PLXNA4: variants seen among roughly 807,000 people sequenced by gnomAD.
PLXNA4 encodes the protein plexin-A4.
A neutral mutation model predicts 191.8 loss-of-function variants in PLXNA4; 44 were observed. That is an observed-to-expected ratio of 0.23 (90% CI 0.18 to 0.29). The LOEUF (loss-of-function observed/expected upper bound fraction) is 0.29, where lower values mean the gene tolerates loss of function less well. Among genes scored for constraint, PLXNA4 ranks in the 10% least tolerant of loss-of-function variants. The pLI is 1.00. For synonymous variants in PLXNA4, 1,082 were observed against 1,009.5 expected (o/e 1.07, Z -1.36); for missense variants, 1,800 against 2,488.8 (o/e 0.72, Z 5.89).
chr7:132,207,717 C>T (rs1187336808), intron 10 of PLXNA4, among the ~76,000 whole-genome samples: 1 of 152,202 alleles, frequency 6.6e-6, no homozygotes, highest in Admixed American at 6.5e-5. Context: ...CCATCACAAA[C>T]TCATGGATTT....
intron 1 of PLXNA4, among the ~76,000 whole-genome samples, chr7:132,523,496 C>G (rs931794253): frequency 6.6e-6 from 1 of 152,196 alleles, no homozygotes; most frequent in Non-Finnish European, 1.5e-5. Context: ...GGCTGGAAGG[C>G]CCAGAAGAGC....
At chr7:132,498,493 C>T (rs890167160) in intron 2 of PLXNA4, among the ~76,000 whole-genome samples, 7 of 152,280 alleles carry the variant, frequency 4.6e-5, no homozygotes, top group South Asian at 2.1e-4. Context: ...TTCACTATCA[C>T]GAAAACAGCA....
chr7:132,489,312 T>G lies in PLXNA4; in HGVS notation c.1351A>C (p.Lys451Gln), dbSNP rs765706232. ...KNHSLAFVGT[K>Q]SGKLKKIRVD... ...CCTACCTTCTTCAGCTTGCCACTTTTGGTGCCCACAAAGGCCAGAGAGTGG... is the reference window on the plus strand; with the variant it reads ...CCTACCTTCTTCAGCTTGCCACTTTGGGTGCCCACAAAGGCCAGAGAGTGG... Residue 451 changes from lysine to glutamine, a missense_variant, in exon 3 of 32, where the codon AAA becomes CAA. Around this residue, in one of 6 missense-constraint regions of PLXNA4, gnomAD observed 1,397 missense variants for 1,880.4 expected, o/e 0.74. Coordinates refer to ENST00000321063, the MANE Select transcript of PLXNA4 (RefSeq NM_020911.2). The G allele has an allele frequency of 1.3e-6, 2 of 1,585,672 alleles. No individual in the cohort carries two copies. The highest frequency in any genetic ancestry group is 1.7e-6 in the Non-Finnish European group (2 of 1,156,098).
intron 1 of PLXNA4, among the ~76,000 whole-genome samples, chr7:132,542,056 T>C (rs1015468365): frequency 2.6e-5 from 4 of 152,188 alleles, no homozygotes; most frequent in African/African-American, 9.7e-5. Context: ...AGGTGGTACA[T>C]GACAGGTAAA....
chr7:132,312,060 T>C (rs1412135020), intron 3 of PLXNA4, among the ~76,000 whole-genome samples: 2 of 151,498 alleles, frequency 1.3e-5, no homozygotes, highest in Admixed American at 6.6e-5. Flanking sequence ...CCGCCCTCAG[T>C]TGAGGGGCCT....
At chr7:132,569,593 A>T (rs1193116991) in intron 1 of PLXNA4, among the ~76,000 whole-genome samples, 2 of 152,274 alleles carry the variant, frequency 1.3e-5, no homozygotes, top group African/African-American at 4.8e-5. Context: ...CATTTTATAA[A>T]CAATAAACTG....
At chr7:132,464,334 C>T (rs779293794) in intron 3 of PLXNA4, among the ~76,000 whole-genome samples, 5 of 152,188 alleles carry the variant, frequency 3.3e-5, no homozygotes, top group Non-Finnish European at 5.9e-5. Context: ...CTTCTGTCCT[C>T]AGTCACCAGC....
At chr7:132,437,075 T>C (rs1470028995) in intron 3 of PLXNA4, among the ~76,000 whole-genome samples, 1 of 152,124 alleles carries the variant, frequency 6.6e-6, no homozygotes, top group Non-Finnish European at 1.5e-5. Flanking sequence ...AAAACACGGA[T>C]GGGAAGGAGC....
intron 2 of PLXNA4, among the ~76,000 whole-genome samples, chr7:132,638,557 C>A (rs1163291374): frequency 1.3e-5 from 2 of 152,066 alleles, no homozygotes; most frequent in Non-Finnish European, 2.9e-5. Context: ...GAGGCTAAGG[C>A]AGGAGAATCA....
chr7:132,248,010 T>C (rs757440090), intron 4 of PLXNA4, among the ~76,000 whole-genome samples: 3 of 152,198 alleles, frequency 2.0e-5, no homozygotes, highest in Non-Finnish European at 4.4e-5. Context: ...TATGGCCTCA[T>C]GGTGAATAGA....
intron 15 of PLXNA4, among the ~76,000 whole-genome samples, chr7:132,187,120 C>G (rs766367364): frequency 1.3e-5 from 2 of 152,032 alleles, no homozygotes; most frequent in Non-Finnish European, 2.9e-5. Context: ...AAACCTATTT[C>G]AACTTTATAC....
At chr7:132,176,347 C>T (rs1051334404) in intron 20 of PLXNA4, among the ~76,000 whole-genome samples, 1 of 152,244 alleles carries the variant, frequency 6.6e-6, no homozygotes, top group African/African-American at 2.4e-5. Context: ...GGAGCCTGCA[C>T]CAATGTGTGT....
At chr7:132,324,573 T>C (rs17219279) in intron 3 of PLXNA4, among the ~76,000 whole-genome samples, 12,154 of 152,304 alleles carry the variant, frequency 0.08, 727 homozygotes, top group Admixed American at 0.19. Flanking sequence ...CGTTAAAATG[T>C]AAAACTGAGA....
intron 3 of PLXNA4, among the ~76,000 whole-genome samples, chr7:132,373,886 A>T (rs1804548294): frequency 6.6e-6 from 1 of 152,056 alleles, no homozygotes; most frequent in African/African-American, 2.4e-5. Context: ...ATAAAATCTC[A>T]TTTTCCCTTT....
At chr7:132,412,048 C>T (rs1036470011) in intron 3 of PLXNA4, among the ~76,000 whole-genome samples, 7 of 152,128 alleles carry the variant, frequency 4.6e-5, no homozygotes, top group Non-Finnish European at 8.8e-5. Flanking sequence ...ACTTCACAAC[C>T]CCCAGGTAGG....
At chr7:132,196,017 G>A (rs1797244027) in intron 13 of PLXNA4, among the ~76,000 whole-genome samples, 1 of 152,104 alleles carries the variant, frequency 6.6e-6, no homozygotes, top group South Asian at 2.1e-4. Flanking sequence ...ATGCATGTTT[G>A]GTGTTTGAAA....
At chr7:132,455,723 G>A (rs1005737427) in intron 3 of PLXNA4, among the ~76,000 whole-genome samples, 1 of 152,106 alleles carries the variant, frequency 6.6e-6, no homozygotes, top group African/African-American at 2.4e-5. Flanking sequence ...AGAGAAGCCT[G>A]CCAGGATGCT....
intron 1 of PLXNA4, among the ~76,000 whole-genome samples, chr7:132,540,706 G>C (rs1800040529): frequency 6.8e-6 from 1 of 147,144 alleles, no homozygotes; most frequent in African/African-American, 2.5e-5. Flanking sequence ...TCCTGCCTCA[G>C]CCTCCCGAGT....
intron 13 of PLXNA4, 112 bp downstream of exon 13, chr7:132,198,373 C>T: frequency 6.9e-7 from 1 of 1,447,616 alleles, no homozygotes; most frequent in Non-Finnish European, 9.2e-7. Context: ...GGTGGTTCTC[C>T]TTTTTCCCCC....
Sources: allele counts gnomAD v4.1 joint callset (sites outside exome capture counted in the v4.1 genomes callset), GRCh38; gene constraint gnomAD v4.1.1; regional missense constraint gnomAD v4.1.1; transcripts MANE v1.5; gene names NCBI Gene and HGNC (gene_info 2026-07-23, HGNC 2026-07-21).